Variants in FYN observed in about 807,000 individuals in gnomAD.
FYN encodes the protein tyrosine-protein kinase Fyn.
A neutral mutation model predicts 70.2 loss-of-function variants in FYN; 10 were observed. The observed-to-expected ratio is 0.14, with a 90% confidence interval of 0.09 to 0.24. The LOEUF (loss-of-function observed/expected upper bound fraction) is 0.24, where lower values mean the gene tolerates loss of function less well. Among genes scored for constraint, FYN ranks in the 10% least tolerant of loss-of-function variants. The pLI is 1.00. For missense variants in FYN, 319 were observed against 673.1 expected (o/e 0.47, Z 5.82); for synonymous variants, 236 against 248.6 (o/e 0.95, Z 0.48).
At chr6:111,777,419 A>C (rs1770994555) in intron 3 of FYN, among the ~76,000 whole-genome samples, 1 of 152,186 alleles carries the variant, frequency 6.6e-6, no homozygotes, top group Non-Finnish European at 1.5e-5. Flanking sequence ...AATTACTTAT[A>C]ATCTCAGAGT....
At chr6:111,832,687 G>A (rs1773051995) in intron 2 of FYN, among the ~76,000 whole-genome samples, 1 of 151,844 alleles carries the variant, frequency 6.6e-6, no homozygotes, top group African/African-American at 2.4e-5. Flanking sequence ...GAACATTGAG[G>A]TTTTTTCCAT....
chr6:111,829,039 A>G (rs541354918), intron 2 of FYN, among the ~76,000 whole-genome samples: 1 of 152,392 alleles, frequency 6.6e-6, no homozygotes, highest in Non-Finnish European at 1.5e-5. Flanking sequence ...ATCTGGCCAC[A>G]GAATCCATTT....
At chr6:111,784,865 G>A (rs541425557) in intron 2 of FYN, among the ~76,000 whole-genome samples, 5 of 152,310 alleles carry the variant, frequency 3.3e-5, no homozygotes, top group South Asian at 4.1e-4. Flanking sequence ...TATTTTATAC[G>A]TATCACTGGT....
chr6:111,866,464 C>T, intron 1 of FYN, among the ~76,000 whole-genome samples: 1 of 152,230 alleles, frequency 6.6e-6, no homozygotes, highest in East Asian at 1.9e-4. Flanking sequence ...GCCTCAGGCT[C>T]CCAAGTAGCT....
chr6:111,786,422 G>A (rs2128509878), intron 2 of FYN, among the ~76,000 whole-genome samples: 1 of 152,306 alleles, frequency 6.6e-6, no homozygotes, highest in Non-Finnish European at 1.5e-5. Flanking sequence ...GTATTCCATG[G>A]TGTATATGTG....
chr6:111,773,383 G>T (rs1481534730), intron 3 of FYN, among the ~76,000 whole-genome samples: 8 of 12,258 alleles, frequency 6.5e-4, no homozygotes, highest in Non-Finnish European at 1.4e-3. Context: ...AGGAGGAGGG[G>T]GGGAGGGGGA....
intron 3 of FYN, among the ~76,000 whole-genome samples, chr6:111,726,372 T>G (rs567659983): frequency 1.3e-5 from 2 of 152,376 alleles, no homozygotes; most frequent in African/African-American, 4.8e-5. Context: ...CAGTGTTCCC[T>G]GTAGCCTAGG....
chr6:111,745,684 C>G (rs1353749040), intron 3 of FYN, among the ~76,000 whole-genome samples: 2 of 152,188 alleles, frequency 1.3e-5, no homozygotes, highest in Non-Finnish European at 2.9e-5. Context: ...TGCTTAACAA[C>G]AGGCAGCATG....
intron 2 of FYN, among the ~76,000 whole-genome samples, chr6:111,789,618 G>T (rs749291551): frequency 7.9e-5 from 12 of 152,122 alleles, no homozygotes; most frequent in Non-Finnish European, 1.5e-4. Context: ...GAAGCATACA[G>T]TTATAATAAT....
intron 1 of FYN, among the ~76,000 whole-genome samples, chr6:111,869,413 T>C (rs922221681): frequency 3.3e-5 from 5 of 152,216 alleles, no homozygotes; most frequent in Non-Finnish European, 7.4e-5. Flanking sequence ...CTTTTTGAGA[T>C]AGGGTCTCAC....
intron 2 of FYN, among the ~76,000 whole-genome samples, chr6:111,783,821 C>T (rs1278673647): frequency 6.6e-6 from 1 of 152,206 alleles, no homozygotes; most frequent in African/African-American, 2.4e-5. Flanking sequence ...CAAGGTTTTG[C>T]AGTGTGCTGA....
At chr6:111,855,424 T>C (rs184232738) in intron 1 of FYN, among the ~76,000 whole-genome samples, 1 of 152,356 alleles carries the variant, frequency 6.6e-6, no homozygotes, top group Non-Finnish European at 1.5e-5. Context: ...GAATGTGTTA[T>C]GTCACATGCA....
intron 3 of FYN, among the ~76,000 whole-genome samples, chr6:111,730,266 T>C (rs149846936): frequency 8.5e-5 from 13 of 152,284 alleles, no homozygotes; most frequent in African/African-American, 2.6e-4. Context: ...CAAAGCCACA[T>C]GCAGAGGATC....
At chr6:111,681,209 G>C (rs377474201) in intron 12 of FYN, among the ~76,000 whole-genome samples, 1 of 152,042 alleles carries the variant, frequency 6.6e-6, no homozygotes, top group East Asian at 1.9e-4. Context: ...TGTATTTTTA[G>C]TAGAGGCGGT....
At chr6:111,863,505 T>C (rs1434402918) in intron 1 of FYN, among the ~76,000 whole-genome samples, 1 of 152,224 alleles carries the variant, frequency 6.6e-6, no homozygotes, top group African/African-American at 2.4e-5. Context: ...AAATACAGAT[T>C]CAGTAACTTT....
intron 3 of FYN, among the ~76,000 whole-genome samples, chr6:111,759,477 C>T (rs1166342574): frequency 6.6e-6 from 1 of 152,220 alleles, no homozygotes; most frequent in Non-Finnish European, 1.5e-5. Flanking sequence ...AGCCCTCGTG[C>T]AGTGGTGCTA....
chr6:111,755,954 G>T (rs1011996741), intron 3 of FYN, among the ~76,000 whole-genome samples: 1 of 151,986 alleles, frequency 6.6e-6, no homozygotes, highest in Non-Finnish European at 1.5e-5. Context: ...TCCAACTCAG[G>T]AAGTCAGAAA....
intron 1 of FYN, among the ~76,000 whole-genome samples, chr6:111,853,214 A>G (rs1773733885): frequency 6.6e-6 from 1 of 152,214 alleles, no homozygotes; most frequent in East Asian, 1.9e-4. Context: ...GGTTTTATGC[A>G]TTGTAAGACT....
Position 111,873,236 on chromosome 6 carries a change from C to G in FYN, c.-391G>C, listed in dbSNP as rs1290284259. On this transcript the variant is annotated 5_prime_UTR_variant, in exon 1 of 14. Coordinates refer to ENST00000354650, the MANE Select transcript of FYN (RefSeq NM_002037.5). Reference sequence around the variant, plus strand: ...TGCGCTGGGAGAAGCGCGGCGCGCCCGGGCGGGAGAGGACGCGCCGCTCGC... The same window carrying G: ...TGCGCTGGGAGAAGCGCGGCGCGCCGGGGCGGGAGAGGACGCGCCGCTCGC... 6.7e-6 allele frequency: 1 copy of G among 149,214 alleles called. No homozygotes were observed. The highest frequency in any genetic ancestry group is 1.5e-5 in the Non-Finnish European group (1 of 66,960). The allele number at this position is 149,214 out of a possible 1,614,324, so 9.2% of individuals were successfully genotyped here.
Sources: gnomAD v4.1 joint callset for allele counts (sites outside exome capture counted in the v4.1 genomes callset) on GRCh38, gnomAD v4.1.1 for gene constraint, MANE v1.5 for transcripts, NCBI Gene and HGNC (gene_info 2026-07-23, HGNC 2026-07-21) for gene names.